Variants in TRAPPC9 observed in about 807,000 individuals in gnomAD.
TRAPPC9 encodes the protein trafficking protein particle complex subunit 9.
TRAPPC9 carries 83 observed loss-of-function variants against 124.0 expected under a neutral mutation model. The ratio of observed to expected loss-of-function variants is 0.67; its 90% CI spans 0.56 to 0.80. The LOEUF is 0.80. TRAPPC9 is among the 30% of genes least tolerant of loss of function. The probability of loss-of-function intolerance (pLI) is 0.00; values close to 1 mark genes in which losing one functional copy is unlikely to be tolerated. For missense variants in TRAPPC9, 1,302 were observed against 1,508.3 expected (o/e 0.86, Z 2.27); for synonymous variants, 638 against 617.5 (o/e 1.03, Z -0.49).
At chr8:139,891,642 C>G (rs531889346) in intron 20 of TRAPPC9, among the ~76,000 whole-genome samples, 8 of 152,306 alleles carry the variant, frequency 5.3e-5, no homozygotes, top group African/African-American at 1.9e-4. Flanking sequence ...CCCGCTGGGG[C>G]TCCCTGAATC....
intron 17 of TRAPPC9, among the ~76,000 whole-genome samples, chr8:140,122,944 G>A (rs1450716071): frequency 6.6e-6 from 1 of 152,210 alleles, no homozygotes; most frequent in Non-Finnish European, 1.5e-5. Flanking sequence ...TAGACTTAAT[G>A]TTTGCTGGAT....
intron 17 of TRAPPC9, among the ~76,000 whole-genome samples, chr8:140,164,731 G>T (rs1587840039): frequency 1.3e-5 from 2 of 152,142 alleles, no homozygotes; most frequent in Non-Finnish European, 2.9e-5. Flanking sequence ...GCATGGGCCT[G>T]CCACTCTTCC....
At chr8:140,183,937 GAGA>G (rs2062278556) in intron 17 of TRAPPC9, among the ~76,000 whole-genome samples, 6 of 55,894 alleles carry the variant, frequency 1.1e-4, no homozygotes, top group African/African-American at 2.6e-4. Context: ...GAGAGGAGAG[GAGA>G]GGAGAGGAGA....
At chr8:140,421,858 A>G (rs1379319228) in intron 5 of TRAPPC9, among the ~76,000 whole-genome samples, 1 of 152,118 alleles carries the variant, frequency 6.6e-6, no homozygotes, top group African/African-American at 2.4e-5. Context: ...CTCAACTAGC[A>G]GTGATCACCA....
At chr8:139,735,969 T>C (rs990125480) in intron 21 of TRAPPC9, among the ~76,000 whole-genome samples, 6 of 152,210 alleles carry the variant, frequency 3.9e-5, no homozygotes, top group African/African-American at 1.4e-4. Flanking sequence ...CCACACCCTG[T>C]CGGAGCAGGA....
At chr8:140,341,482 G>C (rs898364919) in intron 9 of TRAPPC9, among the ~76,000 whole-genome samples, 1 of 152,172 alleles carries the variant, frequency 6.6e-6, no homozygotes, top group African/African-American at 2.4e-5. Context: ...AAGTGAACCT[G>C]AGTGGGAACC....
At chr8:139,836,044 C>T (rs877841) in intron 21 of TRAPPC9, among the ~76,000 whole-genome samples, 60,477 of 151,578 alleles carry the variant, frequency 0.4, 16,619 homozygotes, top group African/African-American at 0.78. Flanking sequence ...AGTCTCACTC[C>T]GTCGCCCAGG....
chr8:139,881,422 T>C (rs1310476190), intron 21 of TRAPPC9: 1 of 152,212 alleles, frequency 6.6e-6, no homozygotes, highest in Non-Finnish European at 1.5e-5. Context: ...GAGCATCACA[T>C]GTGGTAAGCG....
intron 19 of TRAPPC9, among the ~76,000 whole-genome samples, chr8:139,921,139 G>T (rs1832478331): frequency 6.6e-6 from 1 of 152,244 alleles, no homozygotes; most frequent in African/African-American, 2.4e-5. Flanking sequence ...TGAAACACAG[G>T]CTGATGGAAC....
In TRAPPC9 at chr8:140,129,005, T is replaced by A. The variant is rs370391964; in HGVS notation, c.2556+92454A>T. 7.0e-3 allele frequency among the ~76,000 whole-genome samples: 942 copies of A among 134,712 alleles called. 12 individuals carry two copies. The highest frequency in any genetic ancestry group is 0.025 in the African/African-American group (884 of 35,964). The allele number at this position is 134,712 out of a possible 152,430, so 88.4% of individuals were successfully genotyped here. On this transcript the variant is annotated intron_variant, in intron 17 of 22. Coordinates refer to ENST00000438773, the MANE Select transcript of TRAPPC9 (RefSeq NM_001160372.4). ...TATATATACATATATATATATATAT[T>A]AAAAAAAAAAAGAAGACTCCTCTCC...
chr8:139,969,874 T>C (rs576197309), intron 19 of TRAPPC9, among the ~76,000 whole-genome samples: 5 of 152,350 alleles, frequency 3.3e-5, no homozygotes, highest in African/African-American at 1.2e-4. Flanking sequence ...AATGACTCCA[T>C]TATGTCAGCC....
chr8:139,974,208 C>T (rs73725356), intron 19 of TRAPPC9, among the ~76,000 whole-genome samples: 2,259 of 152,258 alleles, frequency 0.015, 56 homozygotes, highest in African/African-American at 0.052. Context: ...CCAGCAGGCT[C>T]ATGTATCGGT....
chr8:140,443,099 C>T (rs2071089585), intron 2 of TRAPPC9, among the ~76,000 whole-genome samples: 1 of 120,148 alleles, frequency 8.3e-6, no homozygotes, highest in Admixed American at 1.1e-4. Context: ...CACCACTGCA[C>T]TCTGGCCTGG....
chr8:140,137,342 G>A (rs2061320672), intron 17 of TRAPPC9, among the ~76,000 whole-genome samples: 1 of 151,252 alleles, frequency 6.6e-6, no homozygotes, highest in Non-Finnish European at 1.5e-5. Flanking sequence ...GGCACTCAAG[G>A]AGGTCTGCGT....
chr8:140,272,116 A>AATGGTGATGGTGGTGATGGTG (rs1554657921), intron 15 of TRAPPC9, among the ~76,000 whole-genome samples: 4 of 120,118 alleles, frequency 3.3e-5, no homozygotes, highest in African/African-American at 1.1e-4. Context: ...TGGTGGTGGC[A>AATGGTGATGGTGGTGATGGTG]ATGGTGATGG....
At position 140,332,907 on chromosome 8, in the gene TRAPPC9, G is replaced by C. The variant is rs550191752; in HGVS notation, c.1496-21533C>G. 4.6e-5 allele frequency among the ~76,000 whole-genome samples: 7 copies of C among 152,204 alleles called. No homozygotes were observed. In the East Asian group the frequency reaches 1.4e-3, roughly 29 times the overall value. ...TCCCAGAACTTTGGGAGGCCAGGTGGGAGGATCACGAGTTCAAGACCAGCC... is the reference window on the plus strand; with the variant it reads ...TCCCAGAACTTTGGGAGGCCAGGTGCGAGGATCACGAGTTCAAGACCAGCC... On this transcript the variant is annotated intron_variant, in intron 9 of 22. Transcript: ENST00000438773.
intron 21 of TRAPPC9, among the ~76,000 whole-genome samples, chr8:139,777,321 A>AG (rs1233997349): frequency 6.6e-6 from 1 of 152,180 alleles, no homozygotes; most frequent in Admixed American, 6.5e-5. Context: ...AGAGAGCTTC[A>AG]TTTTTCTAAA....
rs1485677875 is a variant in TRAPPC9, at chr8:139,984,508, G to A, written c.2810+4218C>T. Among the ~76,000 whole-genome samples the A allele has an allele frequency of 1.3e-5, 2 of 152,180 alleles. No homozygotes were observed. The highest frequency in any genetic ancestry group is 3.9e-4 in the East Asian group (2 of 5,188). Reference sequence around the variant, plus strand: ...TCCTCGTAGGGGAACGGGAGAGCCAGGAGAGAGGTTCGGCTCAGGACTCTG... The same window carrying A: ...TCCTCGTAGGGGAACGGGAGAGCCAAGAGAGAGGTTCGGCTCAGGACTCTG... On this transcript the variant is annotated intron_variant, in intron 19 of 22. Coordinates refer to ENST00000438773, the MANE Select transcript of TRAPPC9 (RefSeq NM_001160372.4). This position sits in a 1 kb window ranked among gnomAD's most constrained non-coding sequence, Gnocchi z 4.3.
intron 18 of TRAPPC9, among the ~76,000 whole-genome samples, chr8:140,009,989 T>C (rs1338910832): frequency 6.6e-6 from 1 of 152,212 alleles, no homozygotes; most frequent in Non-Finnish European, 1.5e-5. Context: ...ACCAGGTCCA[T>C]TGATGCAAAC....
Sources: allele counts gnomAD v4.1 joint callset (sites outside exome capture counted in the v4.1 genomes callset), GRCh38; gene constraint gnomAD v4.1.1; non-coding constraint Gnocchi (gnomAD v3.1); transcripts MANE v1.5; gene names NCBI Gene and HGNC (gene_info 2026-07-23, HGNC 2026-07-21).